ZMYM2: variants seen among roughly 807,000 people sequenced by gnomAD.
ZMYM2 encodes the protein zinc finger MYM-type protein 2.
In ZMYM2, 56 loss-of-function variants were observed where a neutral mutation model predicts 162.8. The observed-to-expected ratio is 0.34, with a 90% CI of 0.28 to 0.43. ZMYM2 has a LOEUF of 0.43. Ranked by LOEUF, ZMYM2 falls within the 20% of genes least tolerant of loss-of-function variation. ZMYM2 has a pLI of 1.00. For synonymous variants in ZMYM2, 510 were observed against 541.6 expected (o/e 0.94, Z 0.81); for missense variants, 1,275 against 1,621.8 (o/e 0.79, Z 3.67).
At chr13:19,971,262 A>ATATTTTTTTT (rs1329532735) in intron 2 of ZMYM2, among the ~76,000 whole-genome samples, 3 of 78,332 alleles carry the variant, frequency 3.8e-5, no homozygotes, top group African/African-American at 9.3e-5. Flanking sequence ...ATATATATAT[A>ATATTTTTTTT]TTTTTTTTTT....
At chr13:19,885,911 A>G in the ZMYM2 span, among the ~76,000 whole-genome samples, 13,145 of 24,618 alleles carry the variant, frequency 0.53, 5,516 homozygotes, top group East Asian at 0.88. Flanking sequence ...ATATATATGT[A>G]TATACACATA....
chr13:19,876,176 A>G, the ZMYM2 span, among the ~76,000 whole-genome samples: 1 of 151,526 alleles, frequency 6.6e-6, no homozygotes, highest in East Asian at 1.9e-4. Context: ...ACAGGCACCC[A>G]CCACCATGCC....
chr13:19,926,423 G>A, the ZMYM2 span, among the ~76,000 whole-genome samples: 12 of 149,602 alleles, frequency 8.0e-5, no homozygotes, highest in East Asian at 2.4e-3. Flanking sequence ...GAGTTCAGTG[G>A]TGCCATCTCG....
At chr13:19,881,316 A>G in the ZMYM2 span, among the ~76,000 whole-genome samples, 1,834 of 152,172 alleles carry the variant, frequency 0.012, 38 homozygotes, top group African/African-American at 0.04. Context: ...GGGAAAAAAA[A>G]TATCTTCAAC....
chr13:19,954,688 A>T (rs1452089748), upstream of ZMYM2, among the ~76,000 whole-genome samples: 1 of 152,214 alleles, frequency 6.6e-6, no homozygotes, highest in Non-Finnish European at 1.5e-5. Context: ...TTTGAATCCT[A>T]TGAGAAGCAT....
intron 16 of ZMYM2, 68 bp downstream of exon 16, chr13:20,059,630 G>A: frequency 1.3e-6 from 1 of 773,332 alleles, no homozygotes; most frequent in South Asian, 1.4e-5. Context: ...ACAGTGTACA[G>A]TTGACCCTTG....
intron 4 of ZMYM2, among the ~76,000 whole-genome samples, chr13:20,004,522 TG>T (rs1344798306): frequency 5.9e-5 from 9 of 152,362 alleles, no homozygotes; most frequent in African/African-American, 2.2e-4. Flanking sequence ...CCCAAAGTGC[TG>T]GGATTACAGG....
chr13:20,083,618 ATTAGT>A (rs1264366663), intron 23 of ZMYM2, 33 bp from the exon 24 acceptor site: 10 of 1,415,724 alleles, frequency 7.1e-6, no homozygotes, highest in Non-Finnish European at 9.6e-6. Flanking sequence ...TTTCTTCAAG[ATTAGT>A]TTAGGAGGTT....
the ZMYM2 span, among the ~76,000 whole-genome samples, chr13:19,898,237 C>CTTTT: frequency 6.9e-6 from 1 of 145,058 alleles, no homozygotes; most frequent in African/African-American, 2.5e-5. Flanking sequence ...AGAACACACT[C>CTTTT]TTTTTTTTTT....
At chr13:19,885,932 T>TATGTGTATAC in the ZMYM2 span, among the ~76,000 whole-genome samples, 455 of 21,524 alleles carry the variant, frequency 0.021, 136 homozygotes, top group Non-Finnish European at 0.043. Context: ...TATATGTGTA[T>TATGTGTATAC]ACACATATAT....
chr13:20,019,832 T>C, intron 7 of ZMYM2: 1 of 514,660 alleles, frequency 1.9e-6, no homozygotes, highest in Non-Finnish European at 3.5e-6. Context: ...CTCATTTGTC[T>C]TTAGTTATTT....
chr13:19,965,805 G>T (rs1306828786), intron 2 of ZMYM2, among the ~76,000 whole-genome samples: 25 of 96,998 alleles, frequency 2.6e-4, no homozygotes, highest in Admixed American at 8.1e-4. Flanking sequence ...ACGGAGTCTT[G>T]CTGTGTTGCC....
At chr13:19,973,504 C>G (rs1211280585) in intron 2 of ZMYM2, among the ~76,000 whole-genome samples, 1 of 151,686 alleles carries the variant, frequency 6.6e-6, no homozygotes, top group Non-Finnish European at 1.5e-5. Context: ...AACCCCGTTT[C>G]TACTGAAAGT....
intron 16 of ZMYM2, 140 bp from the exon 17 acceptor site, chr13:20,060,913 C>T: frequency 1.3e-6 from 1 of 776,984 alleles, no homozygotes; most frequent in Non-Finnish European, 2.0e-6. Context: ...CAGTTAACAT[C>T]TTAGTTTTGT....
At chr13:20,033,673 A>G (rs944403843) in intron 10 of ZMYM2, among the ~76,000 whole-genome samples, 4 of 152,180 alleles carry the variant, frequency 2.6e-5, no homozygotes, top group Admixed American at 1.3e-4. Flanking sequence ...TAATATTTGA[A>G]AAGTAGCTCT....
chr13:19,925,174 G>A, the ZMYM2 span, among the ~76,000 whole-genome samples: 6 of 152,274 alleles, frequency 3.9e-5, no homozygotes, highest in South Asian at 2.1e-4. Context: ...ATGAGCCACC[G>A]TGCCCGGCAA....
intron 2 of ZMYM2, among the ~76,000 whole-genome samples, chr13:19,976,638 T>G (rs1956821236): frequency 6.6e-6 from 1 of 152,232 alleles, no homozygotes; most frequent in Non-Finnish European, 1.5e-5. Context: ...CTTTAGATAC[T>G]TCACATAAGT....
the ZMYM2 span, among the ~76,000 whole-genome samples, chr13:19,886,456 C>T: frequency 6.6e-6 from 1 of 151,884 alleles, no homozygotes; most frequent in East Asian, 1.9e-4. Flanking sequence ...AGCCACTGCG[C>T]CCAGCGAAAA....
the ZMYM2 span, among the ~76,000 whole-genome samples, chr13:19,904,419 G>T: frequency 7.4e-6 from 1 of 135,670 alleles, no homozygotes. Flanking sequence ...TTAGCCGGGC[G>T]TGGTGGCAGG....
Sources: gnomAD v4.1 joint callset for allele counts (sites outside exome capture counted in the v4.1 genomes callset) on GRCh38, gnomAD v4.1.1 for gene constraint, MANE v1.5 for transcripts, NCBI Gene and HGNC (gene_info 2026-07-23, HGNC 2026-07-21) for gene names.